MEIS1: variants seen among roughly 807,000 people sequenced by gnomAD.
MEIS1 encodes the protein Meis homeobox 1, also known as homeobox protein Meis1.
A neutral mutation model predicts 50.8 loss-of-function variants in MEIS1; 5 were observed. The ratio of observed to expected loss-of-function variants is 0.10; its 90% confidence interval spans 0.05 to 0.21. MEIS1 has a LOEUF of 0.21. Ranked by LOEUF, MEIS1 falls within the 10% of genes least tolerant of loss-of-function variation. The pLI, the probability that MEIS1 is intolerant of heterozygous loss-of-function variation, is 1.00. For synonymous variants in MEIS1, 176 were observed against 179.3 expected, an observed-to-expected ratio of 0.98 and a Z score of 0.15; for missense variants, 318 against 517.3, an observed-to-expected ratio of 0.61 and a Z score of 3.74.
At chr2:66,544,639 A>AT (rs1273773462) in intron 8 of MEIS1, among the ~76,000 whole-genome samples, 2 of 152,112 alleles carry the variant, frequency 1.3e-5, no homozygotes, top group African/African-American at 2.4e-5. Context: ...GTATTAAAAA[A>AT]ATATATATAT....
chr2:66,560,832 C>T (rs1425498782), intron 9 of MEIS1, among the ~76,000 whole-genome samples: 2 of 152,052 alleles, frequency 1.3e-5, no homozygotes, highest in Admixed American at 6.6e-5. Flanking sequence ...CTCCTCCTGC[C>T]GCTGTTCTCT....
At chr2:66,516,384 TG>T (rs1673970200) in intron 8 of MEIS1, among the ~76,000 whole-genome samples, 1 of 152,118 alleles carries the variant, frequency 6.6e-6, no homozygotes. Context: ...GATGGTGAAC[TG>T]ATTTTCATTC....
At chr2:66,567,398 A>G in intron 9 of MEIS1, 55 bp from the exon 10 acceptor site, 1 of 1,563,852 alleles carries the variant, frequency 6.4e-7, no homozygotes, top group Non-Finnish European at 8.7e-7. Flanking sequence ...CCTCTTCCTC[A>G]ACCCCCCCTT....
At chr2:66,479,169 G>T (rs561010947) in intron 7 of MEIS1, among the ~76,000 whole-genome samples, 1 of 152,294 alleles carries the variant, frequency 6.6e-6, no homozygotes, top group East Asian at 1.9e-4. Context: ...AGCAATTGCA[G>T]CTAAAGAAAA....
At chr2:66,460,269 A>G (rs1043118329) in intron 6 of MEIS1, among the ~76,000 whole-genome samples, 5 of 152,166 alleles carry the variant, frequency 3.3e-5, no homozygotes, top group Non-Finnish European at 7.3e-5. Flanking sequence ...AGAGAAGATT[A>G]AGATACCATT....
chr2:66,504,309 C>T (rs1240801202), intron 7 of MEIS1, among the ~76,000 whole-genome samples: 1 of 152,116 alleles, frequency 6.6e-6, no homozygotes, highest in Non-Finnish European at 1.5e-5. Flanking sequence ...CCTCAGCTCA[C>T]TGCAGCCTCC....
At chr2:66,541,168 G>A (rs1674643421) in intron 8 of MEIS1, among the ~76,000 whole-genome samples, 1 of 151,938 alleles carries the variant, frequency 6.6e-6, no homozygotes, top group East Asian at 1.9e-4. Flanking sequence ...CACCCGAGTA[G>A]CTGGGACTAC....
Position 66,435,743 on chromosome 2 carries a change from CTTTTTTTTTTTTT to C in MEIS1, c.-102_-90del. On this transcript the variant is annotated 5_prime_UTR_variant, in exon 1 of 13. Coordinates refer to ENST00000272369, the MANE Select transcript of MEIS1 (RefSeq NM_002398.3). ...AGACGTTAAGGGATTTTTCGTCGTG[CTTTTTTTTTTTTT>C]TTTTTTTTTTTCCGGGGGAGTTTGA... The C allele has an allele frequency of 1.8e-5, 6 of 335,616 alleles. No individual in the cohort carries two copies. The highest frequency in any genetic ancestry group is 7.1e-5 in the South Asian group (1 of 14,020). 20.8% of individuals were successfully genotyped at this position (335,616 alleles called of 1,614,324 possible).
intron 5 of MEIS1, among the ~76,000 whole-genome samples, chr2:66,442,279 A>C (rs796137305): frequency 0.077 from 11,592 of 151,158 alleles, 559 homozygotes; most frequent in Non-Finnish European, 0.11. Context: ...GTAAAAAAAA[A>C]AAAAAAAAAA....
At chr2:66,520,899 G>T (rs571228140) in intron 8 of MEIS1, among the ~76,000 whole-genome samples, 2 of 152,188 alleles carry the variant, frequency 1.3e-5, no homozygotes, top group Non-Finnish European at 2.9e-5. Flanking sequence ...TTTCCACCAC[G>T]CTGCCTCTCA....
intron 7 of MEIS1, among the ~76,000 whole-genome samples, chr2:66,484,852 G>A (rs192275917): frequency 3.8e-4 from 58 of 152,212 alleles, no homozygotes; most frequent in Admixed American, 1.4e-3. Context: ...GAGCCACTGC[G>A]CCTGGCCAAA....
rs189165612 is a variant in MEIS1 at position 66,503,345 on chromosome 2, G to A, written c.743-8804G>A. Among the ~76,000 whole-genome samples the A allele has an allele frequency of 1.7e-3, 264 of 152,246 alleles. 1 individual carries two copies. The highest frequency in any genetic ancestry group is 3.5e-3 in the Admixed American group (54 of 15,292). ...GGTTCCAGTTCCTCCAGCCACACAA[G>A]GCCTTGGTATATGCTGTTCCTTTGG... On this transcript the variant is annotated intron_variant, in intron 7 of 12. Coordinates refer to ENST00000272369, the MANE Select transcript of MEIS1 (RefSeq NM_002398.3).
At chr2:66,516,325 A>G (rs1673967926) in intron 8 of MEIS1, among the ~76,000 whole-genome samples, 1 of 152,142 alleles carries the variant, frequency 6.6e-6, no homozygotes, top group Admixed American at 6.5e-5. Flanking sequence ...AGGTGAAGCA[A>G]GCATTCACGG....
At position 66,527,189 on chromosome 2, in the gene MEIS1, G is replaced by A. The variant is rs139249833; in HGVS notation, c.888+14895G>A. ...GTTATTTAATAGTCAACTTGCATGT[G>A]ATCTTACAATTAATAATTGTATCCC... On this transcript the variant is annotated intron_variant, in intron 8 of 12. Coordinates refer to ENST00000272369, the MANE Select transcript of MEIS1 (RefSeq NM_002398.3). 6.4e-3 allele frequency among the ~76,000 whole-genome samples: 979 copies of A among 152,248 alleles called. 8 individuals carry two copies. The highest frequency in any genetic ancestry group is 0.022 in the African/African-American group (908 of 41,536).
At chr2:66,535,532 A>C (rs1674498148) in intron 8 of MEIS1, among the ~76,000 whole-genome samples, 2 of 152,210 alleles carry the variant, frequency 1.3e-5, no homozygotes, top group Non-Finnish European at 2.9e-5. Context: ...AAATAAGTCC[A>C]CATCTGTGCC....
intron 2 of MEIS1, chr2:66,439,447 C>A: frequency 7.3e-7 from 1 of 1,365,334 alleles, no homozygotes. Flanking sequence ...CAGCCCTCCC[C>A]AACTCTCCGC....
At chr2:66,440,871 T>A (rs1289155458) in intron 4 of MEIS1, 1 of 539,662 alleles carries the variant, frequency 1.9e-6, no homozygotes, top group East Asian at 3.1e-5. Context: ...GCTGCGCAGC[T>A]CTAATCAGCG....
intron 8 of MEIS1, 146 bp from the exon 9 acceptor site, chr2:66,547,797 T>A (rs1319308430): frequency 2.9e-6 from 2 of 693,182 alleles, no homozygotes; most frequent in Non-Finnish European, 4.9e-6. Context: ...TTACTGCCAT[T>A]AATTAGATGA....
intron 7 of MEIS1, chr2:66,508,967 T>A (rs889759593): frequency 2.1e-6 from 1 of 467,466 alleles, no homozygotes; most frequent in African/African-American, 2.0e-5. Flanking sequence ...GCTGACATTT[T>A]ACAAATGTGG....
Sources: allele counts gnomAD v4.1 joint callset (sites outside exome capture counted in the v4.1 genomes callset), GRCh38; gene constraint gnomAD v4.1.1; transcripts MANE v1.5; gene names NCBI Gene and HGNC (gene_info 2026-07-23, HGNC 2026-07-21).